Variants in DENND4A observed in about 807,000 individuals in gnomAD.
The protein encoded by DENND4A is DENN domain containing 4A, also known as C-myc promoter-binding protein.
DENND4A carries 70 observed loss-of-function variants against 199.3 expected under a neutral mutation model. The observed-to-expected ratio is 0.35, with a 90% CI of 0.29 to 0.43. The LOEUF (loss-of-function observed/expected upper bound fraction) is 0.43. DENND4A is among the 20% of genes least tolerant of loss of function. The pLI, the probability that DENND4A is intolerant of heterozygous loss-of-function variation, is 1.00. For missense variants in DENND4A, 1,723 were observed against 2,255.8 expected (o/e 0.76, Z 4.78); for synonymous variants, 686 against 766.9 (o/e 0.89, Z 1.74).
intron 1 of DENND4A, among the ~76,000 whole-genome samples, chr15:65,783,122 T>C (rs762061436): frequency 3.9e-5 from 6 of 152,092 alleles, no homozygotes; most frequent in Non-Finnish European, 8.8e-5. Context: ...AATACAGATG[T>C]CAGGGGAAAA....
chr15:65,679,167 T>G (rs1375029917), intron 23 of DENND4A, among the ~76,000 whole-genome samples: 10 of 152,120 alleles, frequency 6.6e-5, no homozygotes. Flanking sequence ...CCATCTCAGC[T>G]CACTGCAACC....
chr15:65,689,861 A>G (rs971396658), intron 23 of DENND4A, among the ~76,000 whole-genome samples: 2 of 152,182 alleles, frequency 1.3e-5, no homozygotes, highest in East Asian at 3.8e-4. Flanking sequence ...TCATGCCCAT[A>G]ATGAGCAAAT....
chr15:65,725,340 G>A (rs2075769528), intron 11 of DENND4A, among the ~76,000 whole-genome samples: 1 of 152,028 alleles, frequency 6.6e-6, no homozygotes, highest in African/African-American at 2.4e-5. Context: ...TTGATAAATC[G>A]CTTAAAAATC....
chr15:65,789,205 G>C (rs1184952949), intron 1 of DENND4A, among the ~76,000 whole-genome samples: 1 of 151,900 alleles, frequency 6.6e-6, no homozygotes, highest in East Asian at 1.9e-4. Flanking sequence ...TTTGTTTTTT[G>C]AGACAGGGTC....
At chr15:65,729,942 GAA>G (rs1460731454) in intron 9 of DENND4A, among the ~76,000 whole-genome samples, 2 of 152,112 alleles carry the variant, frequency 1.3e-5, no homozygotes, top group Non-Finnish European at 2.9e-5. Context: ...TATGGAAAAT[GAA>G]AAGTCATCTG....
chr15:65,789,552 T>C lies in DENND4A; in HGVS notation c.-102+2458A>G, dbSNP rs1294382100. 4.0e-5 allele frequency among the ~76,000 whole-genome samples: 6 copies of C among 149,572 alleles called. No homozygotes were observed. In the East Asian group the frequency reaches 9.7e-4, roughly 24 times the overall value. On this transcript the variant is annotated intron_variant, in intron 1 of 32. Transcript: ENST00000443035. Reference sequence around the variant, plus strand: ...AGAAAAATGTATCAGCTATTCTCAGTCACTCTTCTTCTACCTGTGGTAGGA... The same window carrying C: ...AGAAAAATGTATCAGCTATTCTCAGCCACTCTTCTTCTACCTGTGGTAGGA...
chr15:65,753,864 C>G (rs772270828), intron 3 of DENND4A: 1 of 87,336 alleles, frequency 1.1e-5, no homozygotes, highest in African/African-American at 4.5e-5. Flanking sequence ...GATGAAGTTT[C>G]GCTTTTGTTG....
intron 15 of DENND4A, among the ~76,000 whole-genome samples, chr15:65,703,816 C>G (rs975740613): frequency 2.6e-5 from 4 of 152,118 alleles, no homozygotes; most frequent in Non-Finnish European, 5.9e-5. Context: ...GCACTCTAGC[C>G]TGGACAACAT....
At chr15:65,711,623 C>G (rs1195939625) in intron 14 of DENND4A, among the ~76,000 whole-genome samples, 2 of 152,182 alleles carry the variant, frequency 1.3e-5, no homozygotes, top group Non-Finnish European at 2.9e-5. Flanking sequence ...AATAAATCTT[C>G]CCCCAAAACA....
intron 3 of DENND4A, among the ~76,000 whole-genome samples, chr15:65,754,645 G>C (rs2076654738): frequency 6.6e-6 from 1 of 152,196 alleles, no homozygotes; most frequent in South Asian, 2.1e-4. Context: ...ATACAAACTT[G>C]TCAGTAAGCA....
chr15:65,665,217 G>A (rs1468045969), intron 30 of DENND4A, 128 bp downstream of exon 30: 13 of 636,842 alleles, frequency 2.0e-5, no homozygotes, highest in Middle Eastern at 2.6e-4. Flanking sequence ...AAAAGAGTAC[G>A]ACTTTGACCT....
chr15:65,765,227 C>T (rs576162999), intron 1 of DENND4A, among the ~76,000 whole-genome samples: 1 of 152,286 alleles, frequency 6.6e-6, no homozygotes, highest in East Asian at 1.9e-4. Flanking sequence ...TAACACATCA[C>T]AGCTATTGCC....
chr15:65,706,508 A>T (rs7496807), intron 14 of DENND4A, among the ~76,000 whole-genome samples: 26,307 of 135,168 alleles, frequency 0.19, 2,734 homozygotes, highest in African/African-American at 0.27. Context: ...ATATATATAT[A>T]TTTTTTTTTG....
intron 1 of DENND4A, among the ~76,000 whole-genome samples, chr15:65,785,411 G>C (rs1477651049): frequency 6.7e-6 from 1 of 149,390 alleles, no homozygotes; most frequent in African/African-American, 2.5e-5. Context: ...GATCATTTGA[G>C]CCCAAGGGGT....
rs1035597562 is a variant in DENND4A, at chr15:65,660,718, C to G, written c.*1133G>C. 7 of 155,574 alleles carry G rather than the reference C, an allele frequency of 4.5e-5. No individual in the cohort carries two copies. Among genetic ancestry groups the G allele is most frequent in the African/African-American group, 1.7e-4 (7 of 41,510 alleles). The allele number at this position is 155,574 out of a possible 1,614,324, so 9.6% of individuals were successfully genotyped here. On this transcript the variant is annotated 3_prime_UTR_variant, in exon 33 of 33. Transcript: ENST00000443035. ...ATTCTACAGACTTCAGATTCTGAAG[C>G]TTGTTGAAAAAGCTAAGTTCCTCAA...
At chr15:65,719,261 A>G (rs1936596216) in intron 12 of DENND4A, 1 of 152,206 alleles carries the variant, frequency 6.6e-6, no homozygotes, top group South Asian at 2.1e-4. Flanking sequence ...AAAGGGAAAG[A>G]AGAACTATTG....
intron 16 of DENND4A, 118 bp from the exon 17 acceptor site, chr15:65,702,629 C>A: frequency 1.0e-6 from 1 of 969,620 alleles, no homozygotes; most frequent in Non-Finnish European, 1.5e-6. Flanking sequence ...CAAAATATGT[C>A]TGTAATTAAT....
At position 65,706,094 on chromosome 15, in the gene DENND4A, T is replaced by C. The variant is rs771524428; in HGVS notation, c.2084A>G (p.Tyr695Cys). The change falls in exon 15 of 33, where the codon TAC (tyrosine) becomes TGC (cysteine). Residue 695 changes from tyrosine (Y) to cysteine (C), a missense_variant. By Grantham distance (194) the Tyr-to-Cys change is radical. Around this residue, in one of 6 missense-constraint regions of DENND4A, gnomAD observed 725 missense variants for 952.9 expected, o/e 0.76. Transcript: ENST00000443035. ...LPNGEEPPLQ[Y>C]SYNGFPVLRN... The stretch of plus-strand genomic sequence containing the variant: ...AAACATTCTGCCTCTTGAATACCTG[T>C]ACTGTAAAGGGGGTTCTTCACCATT... 1 of 1,588,364 alleles carries C rather than the reference T, an allele frequency of 6.3e-7. No homozygotes were observed. The highest frequency in any genetic ancestry group is 1.2e-5 in the South Asian group (1 of 86,254).
chr15:65,671,642 G>C, intron 25 of DENND4A, 150 bp downstream of exon 25: 1 of 560,150 alleles, frequency 1.8e-6, no homozygotes, highest in Non-Finnish European at 3.2e-6. Flanking sequence ...CACCCATGTT[G>C]GCCTCCCAAA....
Sources: gnomAD v4.1 joint callset for allele counts (sites outside exome capture counted in the v4.1 genomes callset) on GRCh38, gnomAD v4.1.1 for gene constraint, gnomAD v4.1.1 regional missense constraint, MANE v1.5 for transcripts, NCBI Gene and HGNC (gene_info 2026-07-23, HGNC 2026-07-21) for gene names.